CEP70: variants seen among roughly 807,000 people sequenced by gnomAD.
CEP70 encodes centrosomal protein of 70 kDa.
Under a neutral mutation model 90.9 loss-of-function variants are expected in CEP70, and 70 were observed. The observed-to-expected ratio is 0.77, with a 90% CI of 0.64 to 0.94. CEP70 has a LOEUF of 0.94. Among genes scored for constraint, CEP70 ranks in the 40% least tolerant of loss-of-function variants. The probability of loss-of-function intolerance (pLI) is 0.00; values close to 1 mark genes in which losing one functional copy is unlikely to be tolerated. For missense variants in CEP70, 648 were observed against 669.0 expected (o/e 0.97, Z 0.35); for synonymous variants, 220 against 228.3 (o/e 0.96, Z 0.33).
intron 6 of CEP70, among the ~76,000 whole-genome samples, chr3:138,567,710 C>A (rs1025998729): frequency 3.3e-5 from 5 of 152,162 alleles, no homozygotes; most frequent in African/African-American, 7.2e-5. Flanking sequence ...CACTTCTCTG[C>A]AAATTTATTG....
At chr3:138,551,150 A>T (rs1299118409) in intron 6 of CEP70, among the ~76,000 whole-genome samples, 1 of 152,260 alleles carries the variant, frequency 6.6e-6, no homozygotes. Flanking sequence ...AGGAAAACCT[A>T]TAAGATTAAC....
At chr3:138,511,441 A>T (rs1444108477) in intron 11 of CEP70, among the ~76,000 whole-genome samples, 1 of 152,254 alleles carries the variant, frequency 6.6e-6, no homozygotes, top group East Asian at 1.9e-4. Flanking sequence ...GAAGGACTAG[A>T]CGTAAACTGA....
intron 11 of CEP70, among the ~76,000 whole-genome samples, chr3:138,518,109 C>T (rs2036228149): frequency 6.6e-6 from 1 of 152,218 alleles, no homozygotes; most frequent in Admixed American, 6.5e-5. Flanking sequence ...TGAGATCAAA[C>T]TGCAAGGCGG....
intron 6 of CEP70, among the ~76,000 whole-genome samples, chr3:138,569,154 C>T (rs1202783066): frequency 2.0e-5 from 3 of 152,176 alleles, no homozygotes; most frequent in Non-Finnish European, 2.9e-5. Flanking sequence ...AGAGCACCAA[C>T]TGCCTCTGTC....
At chr3:138,521,778 G>C (rs563856642) in intron 11 of CEP70, among the ~76,000 whole-genome samples, 11 of 152,356 alleles carry the variant, frequency 7.2e-5, no homozygotes, top group Non-Finnish European at 1.5e-4. Flanking sequence ...ACCCTGTCTG[G>C]GAGGTGTACC....
chr3:138,582,346 C>T (rs1299038783), intron 2 of CEP70, among the ~76,000 whole-genome samples: 1 of 152,022 alleles, frequency 6.6e-6, no homozygotes, highest in Non-Finnish European at 1.5e-5. Flanking sequence ...GTGGCACATG[C>T]CCATAGTCCC....
chr3:138,585,754 A>G (rs1323640378), intron 2 of CEP70, among the ~76,000 whole-genome samples: 1 of 152,218 alleles, frequency 6.6e-6, no homozygotes, highest in Non-Finnish European at 1.5e-5. Context: ...CAGTGAACTC[A>G]TTATTGACAA....
rs2041283643 is a variant in CEP70, at chr3:138,573,019, TAAAGA to T, written c.-5-92_-5-88del. On this transcript the variant is annotated intron_variant, in intron 2 of 17. Coordinates refer to ENST00000264982, the MANE Select transcript of CEP70 (RefSeq NM_024491.4). ...AAAAGACAAAAAGTGCAAAAGGAGTTAAAGAAAAGTATATTTAAAAGAATCCACTA... is the reference window on the plus strand; with the variant it reads ...AAAAGACAAAAAGTGCAAAAGGAGTTAAAGTATATTTAAAAGAATCCACTA... 12 of 863,342 alleles carry T rather than the reference TAAAGA, an allele frequency of 1.4e-5. 1 individual carries two copies. The South Asian group carries it at 1.7e-4, about 12-fold the overall frequency. The allele number at this position is 863,342 out of a possible 1,614,324, so 53.5% of individuals were successfully genotyped here. A position where few individuals can be genotyped will look rare whatever the true frequency, so the allele number is the denominator to read the frequency against.
rs35064874 is a variant in CEP70, at chr3:138,581,694, CAAAAAAAAAAA to C, written c.-5-8773_-5-8763del. On this transcript the variant is annotated intron_variant, in intron 2 of 17. Transcript: ENST00000264982. ...AGGGTGACAAGAGTGAAACTTGTCT[CAAAAAAAAAAA>C]AAAAAAAAAAGAATAAGAAAAGAAA... Among the ~76,000 whole-genome samples the C allele has an allele frequency of 3.8e-5, 3 of 79,356 alleles. No homozygotes were observed. The Admixed American group carries it at 4.5e-4, about 12-fold the overall frequency. 52.1% of individuals were successfully genotyped at this position (79,356 alleles called of 152,430 possible). A position where few individuals can be genotyped will look rare whatever the true frequency, so the allele number is the denominator to read the frequency against.
At chr3:138,515,050 A>C (rs2035875990) in intron 11 of CEP70, among the ~76,000 whole-genome samples, 1 of 152,106 alleles carries the variant, frequency 6.6e-6, no homozygotes, top group Non-Finnish European at 1.5e-5. Flanking sequence ...GAGCCCAAAT[A>C]AACAACAACA....
intron 1 of CEP70, among the ~76,000 whole-genome samples, chr3:138,593,388 A>T (rs941514056): frequency 3.9e-5 from 6 of 151,980 alleles, no homozygotes; most frequent in African/African-American, 1.4e-4. Context: ...ATGCCCAGCT[A>T]ATTTTTGTAT....
intron 6 of CEP70, among the ~76,000 whole-genome samples, chr3:138,562,376 T>G (rs2040473741): frequency 1.3e-5 from 2 of 152,038 alleles, no homozygotes; most frequent in Admixed American, 6.5e-5. Flanking sequence ...AAGATACTCC[T>G]TGAGAAGAGC....
chr3:138,506,357 T>C (rs896718293), intron 12 of CEP70, among the ~76,000 whole-genome samples: 3 of 152,094 alleles, frequency 2.0e-5, no homozygotes, highest in African/African-American at 2.4e-5. Context: ...AATAATATCA[T>C]TGATGCCTGG....
intron 6 of CEP70, among the ~76,000 whole-genome samples, chr3:138,567,982 C>T (rs764242687): frequency 7.9e-5 from 12 of 151,996 alleles, no homozygotes; most frequent in Non-Finnish European, 1.3e-4. Context: ...CATTCAGGGG[C>T]GGCAATTCCT....
At chr3:138,538,068 C>A (rs575677201) in intron 6 of CEP70, among the ~76,000 whole-genome samples, 1 of 152,288 alleles carries the variant, frequency 6.6e-6, no homozygotes, top group Non-Finnish European at 1.5e-5. Context: ...TCAGTTTCTA[C>A]ACTGGAAAAA....
intron 6 of CEP70, among the ~76,000 whole-genome samples, chr3:138,541,882 G>C (rs188869612): frequency 2.1e-4 from 32 of 152,330 alleles, no homozygotes; most frequent in Admixed American, 2.0e-3. Context: ...AGTTAGCTGA[G>C]TGTCGTAGCA....
In CEP70 at chr3:138,590,958, A is replaced by C. The variant is rs115454443; in HGVS notation, c.-6+896T>G. Among the ~76,000 whole-genome samples the C allele has an allele frequency of 5.0e-3, 766 of 152,308 alleles. 4 individuals carry two copies. Among genetic ancestry groups the C allele is most frequent in the Non-Finnish European group, 7.7e-3 (524 of 68,032 alleles). ...CATACCTGAATGGTATGGTCCTGTA[A>C]TAATTTATTAAGCTATACATTTGGT... On this transcript the variant is annotated intron_variant, in intron 2 of 17. Coordinates refer to ENST00000264982, the MANE Select transcript of CEP70 (RefSeq NM_024491.4).
intron 6 of CEP70, among the ~76,000 whole-genome samples, chr3:138,538,219 G>C (rs910806127): frequency 1.3e-5 from 2 of 152,152 alleles, no homozygotes; most frequent in Non-Finnish European, 2.9e-5. Flanking sequence ...GGTGGGAATA[G>C]CAGCAACCCC....
intron 7 of CEP70, among the ~76,000 whole-genome samples, chr3:138,533,652 CAGTAGGA>C (rs1445232816): frequency 1.3e-5 from 2 of 152,112 alleles, no homozygotes; most frequent in East Asian, 3.8e-4. Flanking sequence ...TTTTGAGAAA[CAGTAGGA>C]AGGACACACA....
Sources: allele counts gnomAD v4.1 joint callset (sites outside exome capture counted in the v4.1 genomes callset), GRCh38; gene constraint gnomAD v4.1.1; transcripts MANE v1.5; gene names NCBI Gene and HGNC (gene_info 2026-07-23, HGNC 2026-07-21).